The following C2CD5 variants were observed in gnomAD, a reference collection of about 807,000 sequenced individuals.
C2CD5 encodes C2 domain-containing protein 5.
Under a neutral mutation model 130.3 loss-of-function variants are expected in C2CD5, and 109 were observed. The observed-to-expected ratio is 0.84, with a 90% CI of 0.72 to 0.98. The LOEUF is 0.98. C2CD5 is among the 50% of genes least tolerant of loss of function. C2CD5 has a pLI of 0.00. For missense variants in C2CD5, 996 were observed against 1,261.8 expected (o/e 0.79, Z 3.19); for synonymous variants, 454 against 429.2 (o/e 1.06, Z -0.71).
chr12:22,528,708 T>C (rs1950945927), intron 3 of C2CD5, among the ~76,000 whole-genome samples: 1 of 152,194 alleles, frequency 6.6e-6, no homozygotes, highest in Non-Finnish European at 1.5e-5. Context: ...ACATCAGACA[T>C]ACCATACTAT....
chr12:22,456,685 T>G (rs965978679), intron 25 of C2CD5, among the ~76,000 whole-genome samples: 1 of 152,208 alleles, frequency 6.6e-6, no homozygotes, highest in Non-Finnish European at 1.5e-5. Context: ...GAAACGAAGC[T>G]GTTCTTTCAG....
intron 26 of C2CD5, among the ~76,000 whole-genome samples, chr12:22,453,669 C>T (rs1939192361): frequency 6.6e-6 from 1 of 152,174 alleles, no homozygotes; most frequent in African/African-American, 2.4e-5. Context: ...GCACAAATTC[C>T]AGATGTGATT....
At chr12:22,505,560 C>T (rs1478643471) in intron 10 of C2CD5, among the ~76,000 whole-genome samples, 1 of 152,120 alleles carries the variant, frequency 6.6e-6, no homozygotes, top group Non-Finnish European at 1.5e-5. Context: ...TACGTCTATA[C>T]ACCAAATAAG....
At chr12:22,543,182 C>A (rs988416233) in intron 2 of C2CD5, among the ~76,000 whole-genome samples, 1 of 152,184 alleles carries the variant, frequency 6.6e-6, no homozygotes, top group African/African-American at 2.4e-5. Context: ...CACTAATAGC[C>A]CAAATGATTG....
chr12:22,515,533 C>A (rs937705319), intron 8 of C2CD5, among the ~76,000 whole-genome samples: 24 of 152,160 alleles, frequency 1.6e-4, no homozygotes, highest in African/African-American at 5.8e-4. Context: ...GCCAGACTTG[C>A]TGCCTAAAAT....
At chr12:22,454,081 A>G (rs1245649774) in intron 25 of C2CD5, 39 bp from the exon 26 acceptor site, 1 of 1,503,792 alleles carries the variant, frequency 6.6e-7, no homozygotes, top group South Asian at 1.1e-5. Flanking sequence ...CTATATATAC[A>G]TGTGTATGGA....
chr12:22,541,722 C>T (rs1329231446), intron 2 of C2CD5, among the ~76,000 whole-genome samples: 4 of 152,166 alleles, frequency 2.6e-5, no homozygotes, highest in Admixed American at 2.0e-4. Context: ...GATTACTCAA[C>T]CTAAAGTAGG....
chr12:22,527,572 C>A lies in C2CD5; in HGVS notation c.349+149G>T, dbSNP rs541044727. The stretch of plus-strand genomic sequence containing the variant: ...ACCTCAGGTGATCCACCCGCCTCAG[C>A]CTCCCAAAGTGCTGGGATTACAGGC... On this transcript the variant is annotated intron_variant, in intron 4 of 26. Transcript: ENST00000446597. The A allele has an allele frequency of 2.3e-3, 998 of 442,734 alleles. 4 individuals are homozygous for A. The highest frequency in any genetic ancestry group is 3.0e-3 in the Non-Finnish European group (765 of 254,300). 27.4% of individuals were successfully genotyped at this position (442,734 alleles called of 1,614,324 possible).
intron 2 of C2CD5, among the ~76,000 whole-genome samples, chr12:22,543,117 A>C (rs970002904): frequency 6.6e-6 from 1 of 152,260 alleles, no homozygotes. Flanking sequence ...AACATCAGGA[A>C]TATTGAGATG....
Position 22,506,752 on chromosome 12 carries a change from C to A in C2CD5, c.1106G>T (p.Ser369Ile), listed in dbSNP as rs953055275. The change falls in exon 10 of 27, where the codon AGT becomes ATT. Residue 369 changes from serine (S) to isoleucine (I), a missense_variant. By Grantham distance (142) the Ser-to-Ile change is moderately radical (BLOSUM62 -2). Transcript: ENST00000446597. ...GFLVHVGGVV[S>I]ARSVKLLDRI... ...ATCCAAAAGCTTCACAGAACGTGCA[C>A]TAACTACACCCCCAACGTGTACAAG... 2.5e-6 allele frequency: 4 copies of A among 1,612,354 alleles called. No individual in the cohort carries two copies. Among genetic ancestry groups the A allele is most frequent in the Non-Finnish European group, 3.4e-6 (4 of 1,178,460 alleles).
At chr12:22,464,793 T>C in intron 22 of C2CD5, among the ~76,000 whole-genome samples, 1 of 152,314 alleles carries the variant, frequency 6.6e-6, no homozygotes, top group Middle Eastern at 3.4e-3. Flanking sequence ...GGACTATTAA[T>C]ATATAAAATG....
intron 12 of C2CD5, among the ~76,000 whole-genome samples, chr12:22,488,689 T>C (rs1406668472): frequency 6.6e-6 from 1 of 152,138 alleles, no homozygotes; most frequent in Non-Finnish European, 1.5e-5. Flanking sequence ...TGCTTCAAAA[T>C]GCCCCACCTT....
At chr12:22,454,667 T>G (rs1008810647) in intron 25 of C2CD5, among the ~76,000 whole-genome samples, 1 of 152,018 alleles carries the variant, frequency 6.6e-6, no homozygotes, top group African/African-American at 2.4e-5. Flanking sequence ...GAACTCTAAG[T>G]TGAAGTCCAT....
chr12:22,456,980 A>C lies in C2CD5; in HGVS notation c.2868T>G (p.Ser956=), dbSNP rs764575540. Residue 956 remains serine (S), a synonymous_variant, in exon 25 of 27, where the codon TCT becomes TCG. Transcript: ENST00000446597. ...ACTTCTATAAAATTACCTCCCGAAG[A>C]GAAGTAGTCTCTCGAATAAAAAACA... The part of the protein sequence containing the change: ...INMFFIRETT[S]LREEGGVSGF... The C allele has an allele frequency of 5.1e-6, 8 of 1,568,412 alleles. No homozygotes were observed. The East Asian group carries it at 1.9e-4, about 36-fold the overall frequency.
intron 9 of C2CD5, among the ~76,000 whole-genome samples, chr12:22,509,043 A>AT (rs986554195): frequency 5.5e-4 from 83 of 149,780 alleles, no homozygotes; most frequent in Admixed American, 9.9e-4. Context: ...CGCCCGGCTA[A>AT]TTTTTTGTAT....
chr12:22,535,603 A>G (rs758153411), intron 2 of C2CD5, among the ~76,000 whole-genome samples: 5 of 152,298 alleles, frequency 3.3e-5, no homozygotes, highest in African/African-American at 1.2e-4. Flanking sequence ...GTTTCTAAAG[A>G]GCATATAGAG....
At chr12:22,492,244 G>C (rs568186054) in intron 11 of C2CD5, among the ~76,000 whole-genome samples, 1 of 152,226 alleles carries the variant, frequency 6.6e-6, no homozygotes, top group South Asian at 2.1e-4. Context: ...ACAGTTTCTA[G>C]ATGATATCAA....
intron 25 of C2CD5, among the ~76,000 whole-genome samples, 154 bp from the exon 26 acceptor site, chr12:22,454,196 T>C (rs1939303934): frequency 6.6e-6 from 1 of 152,204 alleles, no homozygotes; most frequent in African/African-American, 2.4e-5. Flanking sequence ...ATTTACTGCA[T>C]GAATGAACAA....
chr12:22,537,328 G>A (rs939370735), intron 2 of C2CD5, among the ~76,000 whole-genome samples: 1 of 152,182 alleles, frequency 6.6e-6, no homozygotes, highest in Non-Finnish European at 1.5e-5. Context: ...GGCAAGAGGA[G>A]CTTGAAGCCA....
Sources: allele counts gnomAD v4.1 joint callset (sites outside exome capture counted in the v4.1 genomes callset), GRCh38; gene constraint gnomAD v4.1.1; transcripts MANE v1.5; gene names NCBI Gene and HGNC (gene_info 2026-07-23, HGNC 2026-07-21).